NCBP3: variants seen among roughly 807,000 people sequenced by gnomAD.
NCBP3 encodes nuclear cap-binding protein subunit 3.
NCBP3 carries 20 observed loss-of-function variants against 75.7 expected under a neutral mutation model. That is an observed-to-expected ratio of 0.26 (90% CI 0.19 to 0.38). The LOEUF (loss-of-function observed/expected upper bound fraction) is 0.38. Ranked by LOEUF, NCBP3 falls within the 10% of genes least tolerant of loss-of-function variation. The probability of loss-of-function intolerance (pLI) is 1.00; values close to 1 mark genes in which losing one functional copy is unlikely to be tolerated. For missense variants in NCBP3, 678 were observed against 796.9 expected (o/e 0.85, Z 1.80); for synonymous variants, 293 against 290.5 (o/e 1.01, Z -0.09).
chr17:3,827,611 G>A (rs2053811357), intron 4 of NCBP3, among the ~76,000 whole-genome samples: 1 of 152,236 alleles, frequency 6.6e-6, no homozygotes, highest in Non-Finnish European at 1.5e-5. Flanking sequence ...CTCAGTTTGG[G>A]AAATGAAGCT....
chr17:3,836,995 A>C (rs2053984341), intron 3 of NCBP3, among the ~76,000 whole-genome samples: 1 of 150,850 alleles, frequency 6.6e-6, no homozygotes, highest in Non-Finnish European at 1.5e-5. Context: ...TTAAATACAA[A>C]AAATTAGTTG....
At position 3,846,067 on chromosome 17, in the gene NCBP3, G is replaced by T. The variant is rs539558260; in HGVS notation, c.157C>A (p.Arg53=). ...GGGATCAGTTCCTTGAGCGAGCGCCGCACAGGCACGATTTCCAGCTCGCCC... is the reference window on the plus strand; with the variant it reads ...GGGATCAGTTCCTTGAGCGAGCGCCTCACAGGCACGATTTCCAGCTCGCCC... The part of the protein sequence containing the change: ...EEGELEIVPV[R]RSLKELIPDT... The change falls in exon 1 of 13, where the codon CGG becomes AGG. Residue 53 remains arginine (R), a synonymous_variant. Transcript: ENST00000389005. This position sits in a 1 kb window ranked among gnomAD's most constrained non-coding sequence, Gnocchi z 4.6. 1 of 1,548,882 alleles carries T rather than the reference G, an allele frequency of 6.5e-7. No individual in the cohort carries two copies. Among genetic ancestry groups the T allele is most frequent in the South Asian group, 1.2e-5 (1 of 84,032 alleles).
intron 4 of NCBP3, among the ~76,000 whole-genome samples, chr17:3,828,100 G>A (rs1330918576): frequency 1.3e-5 from 2 of 152,136 alleles, no homozygotes; most frequent in Non-Finnish European, 2.9e-5. Context: ...TGTATTTTTA[G>A]TAGAGACGGG....
chr17:3,813,444 G>A (rs2053463082), intron 12 of NCBP3, among the ~76,000 whole-genome samples, 165 bp from the exon 13 acceptor site: 1 of 152,196 alleles, frequency 6.6e-6, no homozygotes, highest in Non-Finnish European at 1.5e-5. Context: ...CATTTCCCGG[G>A]CCGCAGCCCC....
rs1444827289 is a variant in NCBP3, at chr17:3,807,445, T to A, written c.*5599A>T. The A allele has an allele frequency of 6.6e-6, 1 of 152,190 alleles. No individual in the cohort carries two copies. 9.4% of individuals were successfully genotyped at this position (152,190 alleles called of 1,614,324 possible). On this transcript the variant is annotated 3_prime_UTR_variant, in exon 13 of 13. Transcript: ENST00000389005. ...CAACCATATGCACTTCTGAATAATC[T>A]TCCCTTTTTCGAATCTGGGGCTTTC... is the stretch of plus-strand genomic sequence containing the variant.
At chr17:3,817,063 C>A (rs986643972) in intron 10 of NCBP3, among the ~76,000 whole-genome samples, 1 of 151,966 alleles carries the variant, frequency 6.6e-6, no homozygotes, top group Non-Finnish European at 1.5e-5. Flanking sequence ...GTGAACAAGG[C>A]CATACAAACA....
intron 1 of NCBP3, among the ~76,000 whole-genome samples, chr17:3,843,696 G>A (rs1203130494): frequency 6.6e-6 from 1 of 152,182 alleles, no homozygotes; most frequent in Admixed American, 6.5e-5. Context: ...ACAGGCATGT[G>A]CCACCACCGC....
chr17:3,832,419 G>A (rs1336219424), intron 3 of NCBP3, among the ~76,000 whole-genome samples: 1 of 116,492 alleles, frequency 8.6e-6, no homozygotes, highest in Non-Finnish European at 2.0e-5. Context: ...AGATCACAAG[G>A]TCAGATCGAG....
At chr17:3,822,195 ACT>A in intron 7 of NCBP3, 143 bp from the exon 8 acceptor site, 1 of 622,830 alleles carries the variant, frequency 1.6e-6, no homozygotes, top group South Asian at 2.0e-5. Flanking sequence ...CAACATTCAC[ACT>A]CTGAGTGCCC....
At chr17:3,844,661 GC>G (rs2054128019) in intron 1 of NCBP3, among the ~76,000 whole-genome samples, 1 of 152,146 alleles carries the variant, frequency 6.6e-6, no homozygotes, top group African/African-American at 2.4e-5. Context: ...GACCAGCCTG[GC>G]CAACATGGAG....
At chr17:3,829,722 A>G (rs1476179009) in intron 3 of NCBP3, among the ~76,000 whole-genome samples, 1 of 152,202 alleles carries the variant, frequency 6.6e-6, no homozygotes, top group Non-Finnish European at 1.5e-5. Flanking sequence ...AAAATTTTTA[A>G]ATGTATGTTA....
intron 6 of NCBP3, 90 bp downstream of exon 6, chr17:3,825,677 A>AACGT: frequency 1.1e-6 from 1 of 902,146 alleles, no homozygotes; most frequent in Middle Eastern, 2.3e-4. Context: ...GCTAGAGAAA[A>AACGT]AACGTAACTA....
In NCBP3 at chr17:3,802,453, T is replaced by C. The variant is rs2053278502; in HGVS notation, c.*10591A>G. ...ATGACTACTAGATCTTGCTCGGTTATGTGAGATTACAATTCACCGGTTTCC... is the reference window on the plus strand; with the variant it reads ...ATGACTACTAGATCTTGCTCGGTTACGTGAGATTACAATTCACCGGTTTCC... On this transcript the variant is annotated 3_prime_UTR_variant, in exon 13 of 13. Coordinates refer to ENST00000389005, the MANE Select transcript of NCBP3 (RefSeq NM_001114118.3). 6.6e-6 allele frequency: 1 copy of C among 152,380 alleles called. No homozygotes were observed. The highest frequency in any genetic ancestry group is 1.5e-5 in the Non-Finnish European group (1 of 68,044). The allele number at this position is 152,380 out of a possible 1,614,324, so 9.4% of individuals were successfully genotyped here. A position where few individuals can be genotyped will look rare whatever the true frequency, so the allele number is the denominator to read the frequency against.
chr17:3,835,471 T>C (rs181180984), intron 3 of NCBP3, among the ~76,000 whole-genome samples: 2 of 152,230 alleles, frequency 1.3e-5, no homozygotes, highest in South Asian at 2.1e-4. Flanking sequence ...TTGCGACACA[T>C]GAAGCAAAGT....
chr17:3,825,733 A>G (rs1040299175), intron 6 of NCBP3, 34 bp downstream of exon 6: 39 of 1,475,830 alleles, frequency 2.6e-5, no homozygotes, highest in Non-Finnish European at 3.5e-5. Context: ...ATTTTTTACA[A>G]TAACTTTACA....
chr17:3,811,332 C>G lies in NCBP3; in HGVS notation c.*1712G>C, dbSNP rs1448870198. 2.0e-5 allele frequency: 3 copies of G among 152,318 alleles called. No homozygotes were observed. The highest frequency in any genetic ancestry group is 2.0e-4 in the Admixed American group (3 of 15,302). The allele number at this position is 152,318 out of a possible 1,614,324, so 9.4% of individuals were successfully genotyped here. A position where few individuals can be genotyped will look rare whatever the true frequency, so the allele number is the denominator to read the frequency against. ...CCCTTCCTAAGAACCTGGCTCTCAG[C>G]TGTATGCTTCACAGGGAAAGAAAAG... On this transcript the variant is annotated 3_prime_UTR_variant, in exon 13 of 13. Coordinates refer to ENST00000389005, the MANE Select transcript of NCBP3 (RefSeq NM_001114118.3).
intron 3 of NCBP3, among the ~76,000 whole-genome samples, chr17:3,836,927 G>A (rs1181379893): frequency 1.3e-5 from 2 of 151,986 alleles, no homozygotes; most frequent in African/African-American, 4.8e-5. Flanking sequence ...GAGGCGGGTG[G>A]ATCACAAGGT....
chr17:3,829,321 C>G lies in NCBP3; in HGVS notation c.403G>C (p.Glu135Gln). 1 of 1,551,806 alleles carries G rather than the reference C, an allele frequency of 6.4e-7. No individual in the cohort carries two copies. The highest frequency in any genetic ancestry group is 8.7e-7 in the Non-Finnish European group (1 of 1,146,970). The part of the protein sequence containing the change: ...LETIYICGVD[E>Q]MSTQDVFSYF... ...GAAAAGACATCTTGGGTGCTCATCT[C>G]ATCTACTCCGCAAATATAGATTGTC... The change falls in exon 4 of 13, where the codon GAG (glutamate) becomes CAG (glutamine). Residue 135 changes from glutamate to glutamine, a missense_variant. By Grantham distance (29) the Glu-to-Gln change is conservative. This residue lies in a region of NCBP3 where 15 missense variants were observed against 45.5 expected (regional missense o/e 0.33). Coordinates refer to ENST00000389005, the MANE Select transcript of NCBP3 (RefSeq NM_001114118.3).
chr17:3,830,547 T>A (rs2053859117), intron 3 of NCBP3, among the ~76,000 whole-genome samples: 1 of 152,214 alleles, frequency 6.6e-6, no homozygotes, highest in Non-Finnish European at 1.5e-5. Flanking sequence ...GCAGAAAGGT[T>A]GAAGGCTATG....
Sources: gnomAD v4.1 joint callset for allele counts (sites outside exome capture counted in the v4.1 genomes callset) on GRCh38, gnomAD v4.1.1 for gene constraint, gnomAD v4.1.1 regional missense constraint, Gnocchi (gnomAD v3.1) non-coding constraint, MANE v1.5 for transcripts, NCBI Gene and HGNC (gene_info 2026-07-23, HGNC 2026-07-21) for gene names.